The following AUTS2 variants were observed in gnomAD, a reference collection of about 807,000 sequenced individuals.
The protein encoded by AUTS2 is autism susceptibility gene 2 protein.
Under a neutral mutation model 112.4 loss-of-function variants are expected in AUTS2, and 17 were observed. That is an observed-to-expected ratio of 0.15 (90% CI 0.10 to 0.23). The LOEUF (loss-of-function observed/expected upper bound fraction) is 0.23, where lower values mean the gene tolerates loss of function less well. AUTS2 is among the 10% of genes least tolerant of loss of function. AUTS2 has a pLI of 1.00. For missense variants in AUTS2, 1,510 were observed against 1,701.6 expected (o/e 0.89, Z 1.98); for synonymous variants, 751 against 702.7 (o/e 1.07, Z -1.09).
At chr7:69,678,439 T>G (rs1012663764) in intron 1 of AUTS2, among the ~76,000 whole-genome samples, 3 of 152,172 alleles carry the variant, frequency 2.0e-5, no homozygotes, top group African/African-American at 7.2e-5. Context: ...GAATCAAGTT[T>G]CTCTTTTTAA....
chr7:70,405,940 C>T (rs1365214084), intron 4 of AUTS2, among the ~76,000 whole-genome samples: 1 of 152,056 alleles, frequency 6.6e-6, no homozygotes, highest in Non-Finnish European at 1.5e-5. Flanking sequence ...TCCCTTGAAG[C>T]TTGTTTTTTT....
chr7:69,627,670 G>C (rs1276862638), intron 1 of AUTS2, among the ~76,000 whole-genome samples: 1 of 152,036 alleles, frequency 6.6e-6, no homozygotes, highest in Admixed American at 6.6e-5. Flanking sequence ...TTAAGAGTAG[G>C]GGAGAGCATG....
chr7:70,295,916 C>G (rs1490682201), intron 4 of AUTS2, among the ~76,000 whole-genome samples: 1 of 152,098 alleles, frequency 6.6e-6, no homozygotes, highest in Non-Finnish European at 1.5e-5. Flanking sequence ...AGCCTTTTGT[C>G]TACTTCATCC....
chr7:70,148,213 T>C (rs1433659240), intron 4 of AUTS2, among the ~76,000 whole-genome samples: 1 of 152,122 alleles, frequency 6.6e-6, no homozygotes, highest in Non-Finnish European at 1.5e-5. Flanking sequence ...TGTGTTGCTA[T>C]GAAAAGTAAG....
chr7:70,357,991 C>T (rs1389352341), intron 4 of AUTS2, among the ~76,000 whole-genome samples: 1 of 152,118 alleles, frequency 6.6e-6, no homozygotes, highest in East Asian at 1.9e-4. Context: ...TTGGCGAGAC[C>T]TAGAATGTCT....
chr7:70,126,983 C>A (rs992483578), intron 3 of AUTS2, among the ~76,000 whole-genome samples: 2 of 151,984 alleles, frequency 1.3e-5, no homozygotes, highest in East Asian at 1.9e-4. Flanking sequence ...TACACCACCA[C>A]GCCTGGCTAA....
chr7:70,045,828 A>G (rs939096004), intron 2 of AUTS2, among the ~76,000 whole-genome samples: 3 of 123,920 alleles, frequency 2.4e-5, no homozygotes, highest in African/African-American at 9.4e-5. Context: ...GGGTTTCACC[A>G]TGTTTGCCAG....
rs759318185 is a variant in AUTS2 at position 69,957,050 on chromosome 7, CTTTTTTT to C, written c.522+57563_522+57569del. On this transcript the variant is annotated intron_variant, in intron 2 of 18. Coordinates refer to ENST00000342771, the MANE Select transcript of AUTS2 (RefSeq NM_015570.4). ...ACTAAGTTTTTTCTTTTTGTTCTTT[CTTTTTTT>C]TTTTTTTTTTGGAGAGACGGGGTTT... Among the ~76,000 whole-genome samples the C allele has an allele frequency of 3.9e-4, 52 of 132,322 alleles. 1 individual carries two copies. The highest frequency in any genetic ancestry group is 1.8e-3 in the Admixed American group (23 of 13,070). The allele number at this position is 132,322 out of a possible 152,430, so 86.8% of individuals were successfully genotyped here.
chr7:69,962,159 G>C (rs557677142), intron 2 of AUTS2, among the ~76,000 whole-genome samples: 1 of 152,202 alleles, frequency 6.6e-6, no homozygotes, highest in East Asian at 1.9e-4. Context: ...TTACAAGATG[G>C]CTTGGTATCC....
At chr7:69,982,611 A>G (rs1445393912) in intron 2 of AUTS2, among the ~76,000 whole-genome samples, 3 of 152,182 alleles carry the variant, frequency 2.0e-5, no homozygotes, top group Admixed American at 1.3e-4. Context: ...AGAAAACTAC[A>G]TGAGTGCGTT....
chr7:70,083,576 A>G (rs1211698119), intron 2 of AUTS2, among the ~76,000 whole-genome samples: 3 of 152,208 alleles, frequency 2.0e-5, no homozygotes, highest in Non-Finnish European at 4.4e-5. Context: ...TAATTGGCAT[A>G]TAATGAACTG....
Position 70,790,048 on chromosome 7 carries a change from G to A in AUTS2, c.2832G>A (p.Val944=). Residue 944 remains valine, a synonymous_variant, in exon 19 of 19, where the codon GTG becomes GTA. Transcript: ENST00000342771. This position sits in a 1 kb window ranked among gnomAD's most constrained non-coding sequence, Gnocchi z 7.6. ...TGGCCCGGGTGCCGTCTCCCTACGT[G>A]CGGACCCCGGTGGTGGAGAGTGCCA... ...KQLARVPSPY[V]RTPVVESARP... is the part of the protein sequence containing the mutation. 1 of 1,578,820 alleles carries A rather than the reference G, an allele frequency of 6.3e-7. No individual in the cohort carries two copies. Among genetic ancestry groups the A allele is most frequent in the Non-Finnish European group, 8.6e-7 (1 of 1,163,838 alleles).
At chr7:69,782,682 A>G (rs909664748) in intron 1 of AUTS2, among the ~76,000 whole-genome samples, 1 of 150,952 alleles carries the variant, frequency 6.6e-6, no homozygotes, top group Non-Finnish European at 1.5e-5. Flanking sequence ...TCTACCATTA[A>G]AAAAAAAATC....
intron 6 of AUTS2, among the ~76,000 whole-genome samples, chr7:70,719,566 C>T (rs752853148): frequency 7.1e-6 from 1 of 141,718 alleles, no homozygotes; most frequent in East Asian, 2.3e-4. Flanking sequence ...CTGATTCAAA[C>T]GATTCTCCTG....
At chr7:70,716,101 A>G (rs1168655047) in intron 6 of AUTS2, among the ~76,000 whole-genome samples, 1 of 152,222 alleles carries the variant, frequency 6.6e-6, no homozygotes, top group Non-Finnish European at 1.5e-5. Flanking sequence ...CCAACTGGGT[A>G]CTTTTCAGGA....
chr7:70,240,951 G>C (rs147767720), intron 4 of AUTS2, among the ~76,000 whole-genome samples: 102 of 152,284 alleles, frequency 6.7e-4, no homozygotes, highest in African/African-American at 2.4e-3. Flanking sequence ...ACAGTAAGGT[G>C]GTCTGACTCC....
intron 2 of AUTS2, among the ~76,000 whole-genome samples, chr7:70,097,635 A>G (rs954872791): frequency 1.3e-5 from 2 of 152,250 alleles, no homozygotes; most frequent in African/African-American, 4.8e-5. Context: ...TATTCTATAC[A>G]TTGTCAACCC....
chr7:70,466,799 G>C (rs1371619623), intron 5 of AUTS2, among the ~76,000 whole-genome samples: 1 of 152,186 alleles, frequency 6.6e-6, no homozygotes, highest in African/African-American at 2.4e-5. Flanking sequence ...GGAGTCAGTG[G>C]AGCATTTAAA....
intron 2 of AUTS2, among the ~76,000 whole-genome samples, chr7:70,087,659 G>A (rs1234116066): frequency 6.6e-6 from 1 of 152,052 alleles, no homozygotes. Context: ...GTGAGTCCCT[G>A]CGCACAGCCT....
Sources: allele counts gnomAD v4.1 joint callset (sites outside exome capture counted in the v4.1 genomes callset), GRCh38; gene constraint gnomAD v4.1.1; non-coding constraint Gnocchi (gnomAD v3.1); transcripts MANE v1.5; gene names NCBI Gene and HGNC (gene_info 2026-07-23, HGNC 2026-07-21).